Variants in AATF observed in about 807,000 individuals in gnomAD.
AATF encodes the protein apoptosis antagonizing transcription factor, also known as protein AATF.
In AATF, 48 loss-of-function variants were observed where a neutral mutation model predicts 63.7. That is an observed-to-expected ratio of 0.75 (90% confidence interval 0.60 to 0.96). The LOEUF (loss-of-function observed/expected upper bound fraction) is 0.96. Ranked by LOEUF, AATF falls within the 40% of genes least tolerant of loss-of-function variation. AATF has a pLI of 0.00. For missense variants in AATF, 639 were observed against 685.7 expected (o/e 0.93, Z 0.76); for synonymous variants, 258 against 247.7 (o/e 1.04, Z -0.39).
At chr17:36,978,884 C>T (rs183985690) in intron 4 of AATF, among the ~76,000 whole-genome samples, 6 of 151,906 alleles carry the variant, frequency 3.9e-5, no homozygotes, top group East Asian at 3.9e-4. Context: ...GGAGCCTTCA[C>T]GCAATTCTTT....
intron 9 of AATF, among the ~76,000 whole-genome samples, chr17:37,019,537 C>T (rs745714268): frequency 2.0e-5 from 3 of 152,162 alleles, no homozygotes; most frequent in Non-Finnish European, 2.9e-5. Flanking sequence ...TGGAACGTGG[C>T]AGCATTACCC....
intron 4 of AATF, among the ~76,000 whole-genome samples, chr17:36,977,617 T>C (rs550022121): frequency 2.4e-4 from 36 of 152,260 alleles, no homozygotes; most frequent in African/African-American, 8.7e-4. Flanking sequence ...AAATTTTAAA[T>C]TGTAAAAGTA....
intron 11 of AATF, among the ~76,000 whole-genome samples, chr17:37,038,024 G>GT (rs1447038111): frequency 1.3e-5 from 2 of 152,130 alleles, no homozygotes; most frequent in African/African-American, 4.8e-5. Context: ...CAGATGCCTG[G>GT]TTCATGCTTC....
intron 4 of AATF, chr17:36,980,444 A>G (rs1409134733): frequency 1.3e-5 from 2 of 152,346 alleles, no homozygotes; most frequent in East Asian, 1.9e-4. Context: ...TTTTGTGGCC[A>G]TGTGCCAAGA....
At chr17:37,010,314 C>A (rs1315860399) in intron 8 of AATF, among the ~76,000 whole-genome samples, 1 of 152,026 alleles carries the variant, frequency 6.6e-6, no homozygotes, top group African/African-American at 2.4e-5. Context: ...CAAAATTAGC[C>A]GGGCGTGGTG....
intron 8 of AATF, among the ~76,000 whole-genome samples, chr17:36,992,442 A>G (rs966316042): frequency 6.6e-6 from 1 of 152,200 alleles, no homozygotes; most frequent in Admixed American, 6.5e-5. Context: ...GATATGGGAT[A>G]TTAATGCTGT....
Position 36,949,300 on chromosome 17 carries a change from C to G in AATF, c.91+84C>G, listed in dbSNP as rs973322415. 4 of 1,327,360 alleles carry G rather than the reference C, an allele frequency of 3.0e-6. No homozygotes were observed. In the African/African-American group the frequency reaches 6.1e-5, roughly 20 times the overall value. The allele number at this position is 1,327,360 out of a possible 1,614,324, so 82.2% of individuals were successfully genotyped here. ...GGGGGCGGCGTGGGAGGGGCGTGCG[C>G]GAGGCCGCCGGGCCTGCGCTCCTTC... is the stretch of plus-strand genomic sequence containing the variant. On this transcript the variant is annotated intron_variant, in intron 1 of 11. Coordinates refer to ENST00000619387, the MANE Select transcript of AATF (RefSeq NM_012138.4).
At chr17:37,024,505 C>T (rs1348050053) in intron 10 of AATF, among the ~76,000 whole-genome samples, 1 of 152,136 alleles carries the variant, frequency 6.6e-6, no homozygotes, top group African/African-American at 2.4e-5. Context: ...CCTATACCAG[C>T]ACCAAAAGTG....
intron 10 of AATF, among the ~76,000 whole-genome samples, chr17:37,021,615 C>T (rs983653924): frequency 1.3e-5 from 2 of 151,484 alleles, no homozygotes; most frequent in Non-Finnish European, 2.9e-5. Context: ...AGTGACAGAG[C>T]GAGATTCTAT....
chr17:36,998,505 C>T (rs2071271431), intron 8 of AATF: 1 of 152,162 alleles, frequency 6.6e-6, no homozygotes, highest in Non-Finnish European at 1.5e-5. Context: ...AAATCTATAT[C>T]TGTTTAGGAC....
chr17:36,953,834 G>C lies in AATF; in HGVS notation c.759G>C (p.Gln253His). 6.2e-7 allele frequency: 1 copy of C among 1,614,128 alleles called. No individual in the cohort carries two copies. The highest frequency in any genetic ancestry group is 8.5e-7 in the Non-Finnish European group (1 of 1,180,020). The change falls in exon 4 of 12, where the codon CAG becomes CAC. Residue 253 changes from glutamine (Q) to histidine (H), a missense_variant. Gln to His is a conservative substitution (Grantham distance 24, BLOSUM62 0). Transcript: ENST00000619387. ...AAAAAGCTCTGTTGACCACCAACCA[G>C]CTTCCTCAACCAGATGTTTTCCCAT... ...KLQKALLTTN[Q>H]LPQPDVFPLF...
chr17:37,029,886 A>G (rs953015287), intron 10 of AATF, among the ~76,000 whole-genome samples: 25 of 151,940 alleles, frequency 1.6e-4, no homozygotes, highest in African/African-American at 5.8e-4. Flanking sequence ...TACTTTTTGT[A>G]GAGACGGGGT....
At chr17:36,983,689 T>A (rs2071145433) in intron 4 of AATF, among the ~76,000 whole-genome samples, 1 of 152,202 alleles carries the variant, frequency 6.6e-6, no homozygotes, top group Admixed American at 6.5e-5. Context: ...TGGTTAAGAA[T>A]CTTGGTTTGG....
At chr17:36,995,030 C>T (rs1324147382) in intron 8 of AATF, among the ~76,000 whole-genome samples, 1 of 152,116 alleles carries the variant, frequency 6.6e-6, no homozygotes, top group Non-Finnish European at 1.5e-5. Context: ...TCACTTCATG[C>T]GATATTTTGT....
chr17:37,042,026 G>C (rs1335630954), intron 11 of AATF, among the ~76,000 whole-genome samples: 1 of 151,778 alleles, frequency 6.6e-6, no homozygotes, highest in Non-Finnish European at 1.5e-5. Flanking sequence ...TTCTTTTTGA[G>C]TTTTGACTTT....
At chr17:37,030,265 A>G (rs2071542750) in intron 10 of AATF, among the ~76,000 whole-genome samples, 2 of 152,134 alleles carry the variant, frequency 1.3e-5, no homozygotes, top group Admixed American at 1.3e-4. Flanking sequence ...TGTAAAATTC[A>G]TTTGTTGAGA....
At chr17:37,008,035 C>T (rs374363593) in intron 8 of AATF, among the ~76,000 whole-genome samples, 1 of 152,140 alleles carries the variant, frequency 6.6e-6, no homozygotes, top group Non-Finnish European at 1.5e-5. Flanking sequence ...TATCCTTTCA[C>T]TCTTATTTGT....
intron 4 of AATF, among the ~76,000 whole-genome samples, chr17:36,974,878 T>C (rs904817512): frequency 2.0e-5 from 3 of 152,206 alleles, no homozygotes; most frequent in African/African-American, 7.2e-5. Context: ...TCTCCTTTTT[T>C]TTGCTTTAAT....
chr17:37,040,747 TC>T (rs11382307), intron 11 of AATF, among the ~76,000 whole-genome samples: 18,401 of 149,566 alleles, frequency 0.12, 1,436 homozygotes, highest in Non-Finnish European at 0.18. Flanking sequence ...TTAAAATGCT[TC>T]CCCCCCCACG....
Sources: allele counts gnomAD v4.1 joint callset (sites outside exome capture counted in the v4.1 genomes callset), GRCh38; gene constraint gnomAD v4.1.1; transcripts MANE v1.5; gene names NCBI Gene and HGNC (gene_info 2026-07-23, HGNC 2026-07-21).